The following LEKR1 variants were observed in gnomAD, a reference collection of about 807,000 sequenced individuals.
The protein encoded by LEKR1 is protein LEKR1.
Under a neutral mutation model 72.4 loss-of-function variants are expected in LEKR1, and 59 were observed. The observed-to-expected ratio is 0.82, with a 90% confidence interval of 0.66 to 1.01. LEKR1 has a LOEUF of 1.01. LEKR1 is among the 50% of genes least tolerant of loss of function. LEKR1 has a pLI of 0.00. For synonymous variants in LEKR1, 257 were observed against 263.2 expected, an observed-to-expected ratio of 0.98 and a Z score of 0.23; for missense variants, 728 against 759.2, an observed-to-expected ratio of 0.96 and a Z score of 0.48.
intron 3 of LEKR1, among the ~76,000 whole-genome samples, chr3:156,904,924 A>G (rs781202035): frequency 6.6e-6 from 1 of 152,116 alleles, no homozygotes; most frequent in Non-Finnish European, 1.5e-5. Flanking sequence ...ATTTTAATAG[A>G]CTATCTAAAT....
At chr3:156,873,730 TTC>T (rs1718231683) in intron 3 of LEKR1, among the ~76,000 whole-genome samples, 1 of 152,084 alleles carries the variant, frequency 6.6e-6, no homozygotes, top group African/African-American at 2.4e-5. Flanking sequence ...AAGACTTTAT[TTC>T]TCCTACATTT....
At position 157,011,540 on chromosome 3, in the gene LEKR1, C is replaced by G. The variant is rs767455214; in HGVS notation, c.1203+34C>G. ...AGTGTGGCTTTCATCAGCATGCAACCTATTTGCATTTTAAAAATTCTGACC... is the reference window on the plus strand; with the variant it reads ...AGTGTGGCTTTCATCAGCATGCAACGTATTTGCATTTTAAAAATTCTGACC... On this transcript the variant is annotated intron_variant, in intron 10 of 12. Transcript: ENST00000356539. 3 of 1,428,518 alleles carry G rather than the reference C, an allele frequency of 2.1e-6. No homozygotes were observed. The African/African-American group carries it at 4.2e-5, about 20-fold the overall frequency. 88.5% of individuals were successfully genotyped at this position (1,428,518 alleles called of 1,614,324 possible).
chr3:156,919,294 A>G (rs1030478882), intron 3 of LEKR1, among the ~76,000 whole-genome samples: 2 of 152,164 alleles, frequency 1.3e-5, no homozygotes, highest in African/African-American at 4.8e-5. Flanking sequence ...GGCTGGAAAT[A>G]TTCTCTGATG....
chr3:157,030,004 G>A (rs2108038553), intron 12 of LEKR1, among the ~76,000 whole-genome samples: 2 of 152,282 alleles, frequency 1.3e-5, no homozygotes, highest in South Asian at 4.1e-4. Flanking sequence ...ATGTGAGACT[G>A]GATAATTTAT....
At chr3:156,891,968 T>G (rs2108557756) in intron 3 of LEKR1, among the ~76,000 whole-genome samples, 1 of 152,094 alleles carries the variant, frequency 6.6e-6, no homozygotes, top group Middle Eastern at 3.4e-3. Flanking sequence ...AGAGATCTGG[T>G]GTTACCAATA....
At chr3:157,018,516 A>AT (rs1733559705) in intron 10 of LEKR1, among the ~76,000 whole-genome samples, 3 of 152,226 alleles carry the variant, frequency 2.0e-5, no homozygotes, top group Non-Finnish European at 4.4e-5. Flanking sequence ...TCGTTAGCAG[A>AT]AAGTTATCTG....
intron 6 of LEKR1, among the ~76,000 whole-genome samples, chr3:156,950,023 A>G (rs1217730585): frequency 2.0e-5 from 3 of 151,268 alleles, no homozygotes; most frequent in African/African-American, 7.3e-5. Flanking sequence ...TCTTTGTGGG[A>G]AGACACTGCT....
At chr3:156,942,941 A>C in intron 6 of LEKR1, 1 of 259,042 alleles carries the variant, frequency 3.9e-6, no homozygotes, top group South Asian at 3.9e-5. Context: ...TGAATATATA[A>C]AAGACATTTC....
intron 9 of LEKR1, among the ~76,000 whole-genome samples, chr3:156,994,020 T>C (rs1576965277): frequency 6.6e-6 from 1 of 152,116 alleles, no homozygotes; most frequent in African/African-American, 2.4e-5. Context: ...CATTTACTGA[T>C]ATAATTATTA....
At position 156,906,878 on chromosome 3, in the gene LEKR1, C is replaced by T. The variant is rs142607899; in HGVS notation, c.264-13697C>T. Among the ~76,000 whole-genome samples, 24 of 152,016 alleles carry T rather than the reference C, an allele frequency of 1.6e-4. No homozygotes were observed. In the East Asian group the frequency reaches 3.3e-3, roughly 21 times the overall value. On this transcript the variant is annotated intron_variant, in intron 3 of 12. Transcript: ENST00000356539. ...TTTTTTAAAAGTATAAAAAGAAAAA[C>T]GTTTTATAAAAATGGACTGAGAATT...
At chr3:156,899,263 TATAC>T (rs1292729267) in intron 3 of LEKR1, among the ~76,000 whole-genome samples, 1 of 135,626 alleles carries the variant, frequency 7.4e-6, no homozygotes, top group South Asian at 2.1e-4. Context: ...CATATATATA[TATAC>T]ACACATGTAT....
intron 10 of LEKR1, among the ~76,000 whole-genome samples, chr3:157,022,241 C>T (rs7634624): frequency 0.026 from 3,954 of 151,964 alleles, 197 homozygotes; most frequent in African/African-American, 0.09. Context: ...GTAGTCGCCC[C>T]GTAAAAGGCC....
chr3:156,936,998 A>G (rs1488724501), intron 5 of LEKR1, among the ~76,000 whole-genome samples: 4 of 152,130 alleles, frequency 2.6e-5, no homozygotes, highest in Admixed American at 6.6e-5. Flanking sequence ...GAACTTTTGC[A>G]GAGTGTAGTA....
intron 4 of LEKR1, 22 bp downstream of exon 4, chr3:156,920,716 T>C (rs1255955128): frequency 8.1e-7 from 1 of 1,238,516 alleles, no homozygotes; most frequent in Non-Finnish European, 1.1e-6. Context: ...GAACTGAAAA[T>C]TATAAAGATT....
chr3:156,908,512 T>G (rs937621963), intron 3 of LEKR1, among the ~76,000 whole-genome samples: 1 of 152,200 alleles, frequency 6.6e-6, no homozygotes, highest in African/African-American at 2.4e-5. Flanking sequence ...TATCATTATT[T>G]TATTGCTTGA....
At chr3:156,989,194 AC>A (rs1384236707) in intron 7 of LEKR1, among the ~76,000 whole-genome samples, 1 of 152,184 alleles carries the variant, frequency 6.6e-6, no homozygotes, top group African/African-American at 2.4e-5. Context: ...CCATGTCATT[AC>A]TTTATACATT....
intron 4 of LEKR1, among the ~76,000 whole-genome samples, chr3:156,922,206 T>C (rs2108573296): frequency 6.6e-6 from 1 of 152,272 alleles, no homozygotes; most frequent in African/African-American, 2.4e-5. Flanking sequence ...ATGCATTCCA[T>C]AGAAAAAGGT....
At chr3:156,992,208 T>C (rs1731191193) in intron 7 of LEKR1, among the ~76,000 whole-genome samples, 1 of 152,180 alleles carries the variant, frequency 6.6e-6, no homozygotes, top group Admixed American at 6.5e-5. Context: ...TGGCCTCTGG[T>C]TCTATGGGCC....
At chr3:156,862,269 T>C (rs1478468843) in intron 3 of LEKR1, among the ~76,000 whole-genome samples, 1 of 152,140 alleles carries the variant, frequency 6.6e-6, no homozygotes, top group African/African-American at 2.4e-5. Flanking sequence ...CCCAGCCACT[T>C]ATTATTTTTT....
Sources: allele counts gnomAD v4.1 joint callset (sites outside exome capture counted in the v4.1 genomes callset), GRCh38; gene constraint gnomAD v4.1.1; transcripts MANE v1.5; gene names NCBI Gene and HGNC (gene_info 2026-07-23, HGNC 2026-07-21).